Variants in CDC42BPB observed in about 807,000 individuals in gnomAD.
CDC42BPB encodes serine/threonine-protein kinase MRCK beta.
A neutral mutation model predicts 214.9 loss-of-function variants in CDC42BPB; 37 were observed. The ratio of observed to expected loss-of-function variants is 0.17; its 90% CI spans 0.13 to 0.23. The LOEUF (loss-of-function observed/expected upper bound fraction) is 0.23. CDC42BPB is among the 10% of genes least tolerant of loss of function. The probability of loss-of-function intolerance (pLI) is 1.00; values close to 1 mark genes in which losing one functional copy is unlikely to be tolerated. For synonymous variants in CDC42BPB, 931 were observed against 884.0 expected (o/e 1.05, Z -0.94); for missense variants, 1,694 against 2,227.0 (o/e 0.76, Z 4.82).
In CDC42BPB at chr14:102,966,953, C is replaced by T. The variant is rs1029130309; in HGVS notation, c.2471+93G>A. 7.0e-6 allele frequency: 10 copies of T among 1,421,314 alleles called. No individual in the cohort carries two copies. In the African/African-American group the frequency reaches 7.1e-5, roughly 10 times the overall value. 88.0% of individuals were successfully genotyped at this position (1,421,314 alleles called of 1,614,324 possible). A position where few individuals can be genotyped will look rare whatever the true frequency, so the allele number is the denominator to read the frequency against. On this transcript the variant is annotated intron_variant, in intron 17 of 36. Coordinates refer to ENST00000361246, the MANE Select transcript of CDC42BPB (RefSeq NM_006035.4). ...CCCCAGCCTGAGAGGCACGGCCTGG[C>T]GTGGAGCACAGGATCAGGCAGAAGA... is the stretch of plus-strand genomic sequence containing the variant.
chr14:102,972,273 A>C, intron 12 of CDC42BPB, 112 bp from the exon 13 acceptor site: 2 of 1,537,428 alleles, frequency 1.3e-6, no homozygotes, highest in Non-Finnish European at 1.7e-6. Context: ...AATGCTGGTT[A>C]CAGATTAGAG....
intron 4 of CDC42BPB, 66 bp downstream of exon 4, chr14:103,003,862 A>G: frequency 7.7e-7 from 1 of 1,292,760 alleles, no homozygotes; most frequent in South Asian, 1.3e-5. Flanking sequence ...CTGAATTTTT[A>G]GTGACAGCAT....
At chr14:103,010,335 A>T (rs1270105818) in intron 2 of CDC42BPB, among the ~76,000 whole-genome samples, 3 of 152,118 alleles carry the variant, frequency 2.0e-5, no homozygotes, top group Non-Finnish European at 4.4e-5. Flanking sequence ...TGGTAAATTG[A>T]CTTTGGCTGG....
intron 7 of CDC42BPB, among the ~76,000 whole-genome samples, chr14:102,982,453 G>C (rs1894046715): frequency 6.6e-6 from 1 of 152,156 alleles, no homozygotes; most frequent in Admixed American, 6.5e-5. Flanking sequence ...CGCTGGTAGA[G>C]AGGGTGAAAT....
At chr14:103,039,210 T>C (rs1887841721) in intron 1 of CDC42BPB, among the ~76,000 whole-genome samples, 1 of 147,134 alleles carries the variant, frequency 6.8e-6, no homozygotes, top group Non-Finnish European at 1.5e-5. Flanking sequence ...TAAGAGTTAT[T>C]ACCAATTCTT....
At chr14:102,938,537 C>A (rs1891743874) in intron 34 of CDC42BPB, 126 bp from the exon 35 acceptor site, 1 of 1,432,302 alleles carries the variant, frequency 7.0e-7, no homozygotes, top group African/African-American at 1.4e-5. Flanking sequence ...GCCAAGAGGG[C>A]TCTCTGGATT....
At chr14:102,984,931 G>A (rs918097638) in intron 6 of CDC42BPB, among the ~76,000 whole-genome samples, 2 of 152,268 alleles carry the variant, frequency 1.3e-5, no homozygotes, top group Admixed American at 6.5e-5. Flanking sequence ...TACAGACAGC[G>A]GGACCACTGG....
intron 9 of CDC42BPB, among the ~76,000 whole-genome samples, chr14:102,976,430 G>A (rs1893748283): frequency 6.6e-6 from 1 of 152,218 alleles, no homozygotes; most frequent in Non-Finnish European, 1.5e-5. Context: ...TTCCTGGTTT[G>A]GCCACCAACT....
intron 5 of CDC42BPB, among the ~76,000 whole-genome samples, chr14:102,995,161 G>C (rs1392519431): frequency 6.6e-6 from 1 of 151,338 alleles, no homozygotes; most frequent in African/African-American, 2.4e-5. Flanking sequence ...TTAGGGATGT[G>C]ATGTTCTCTC....
In CDC42BPB at chr14:103,027,947, T is replaced by C. The variant is rs36103509; in HGVS notation, c.176-15759A>G. Among the ~76,000 whole-genome samples, 250 of 151,822 alleles carry C rather than the reference T, an allele frequency of 1.6e-3. 2 individuals are homozygous for C. In the Middle Eastern group the frequency reaches 0.017, roughly 10 times the overall value. On this transcript the variant is annotated intron_variant, in intron 1 of 36. Coordinates refer to ENST00000361246, the MANE Select transcript of CDC42BPB (RefSeq NM_006035.4). The stretch of plus-strand genomic sequence containing the variant: ...GAGTTCCAGGCCAGCCTGGCCAACA[T>C]AGTGAAACCCCATCTCTACTAAAAA...
chr14:102,952,797 C>T (rs1892547802), intron 23 of CDC42BPB, 194 bp from the exon 24 acceptor site: 2 of 913,244 alleles, frequency 2.2e-6, no homozygotes, highest in Non-Finnish European at 1.3e-6. Flanking sequence ...CGAGCCTGAG[C>T]CAGAGAGAGG....
chr14:102,995,831 T>C (rs972258531), intron 5 of CDC42BPB, among the ~76,000 whole-genome samples: 2 of 152,218 alleles, frequency 1.3e-5, no homozygotes, highest in Non-Finnish European at 2.9e-5. Flanking sequence ...CTGGCGCCAA[T>C]GACATTTCTT....
intron 36 of CDC42BPB, among the ~76,000 whole-genome samples, chr14:102,937,372 C>T (rs552954427): frequency 8.5e-5 from 13 of 152,388 alleles, no homozygotes; most frequent in South Asian, 4.1e-4. Flanking sequence ...GAGGAAGAGA[C>T]GCTGACCTTG....
intron 1 of CDC42BPB, among the ~76,000 whole-genome samples, chr14:103,053,327 ACAGAGTGAGACTCCGTCT>A (rs1379884297): frequency 6.6e-6 from 1 of 152,044 alleles, no homozygotes; most frequent in Non-Finnish European, 1.5e-5. Context: ...AGCCTGGGCA[ACAGAGTGAGACTCCGTCT>A]CAAAAAAAAA....
chr14:102,976,400 A>G (rs916418690), intron 9 of CDC42BPB, among the ~76,000 whole-genome samples: 14 of 152,280 alleles, frequency 9.2e-5, no homozygotes, highest in African/African-American at 3.4e-4. Context: ...GGTCAGCGGT[A>G]CGCATGGACC....
rs1248560206 is a variant in CDC42BPB, at chr14:102,980,763, T to G, written c.1140+10A>C. 1 of 1,613,494 alleles carries G rather than the reference T, an allele frequency of 6.2e-7. No homozygotes were observed. Among genetic ancestry groups the G allele is most frequent in the Admixed American group, 1.7e-5 (1 of 60,010 alleles). On this transcript the variant is annotated intron_variant, in intron 8 of 36. Coordinates refer to ENST00000361246, the MANE Select transcript of CDC42BPB (RefSeq NM_006035.4). ...GCCAGCAACCCTGAGAACGGTGCTT[T>G]CACACTCACCGTGTTTCTCAGCACG...
chr14:103,049,574 G>A (rs1333221345), intron 1 of CDC42BPB, among the ~76,000 whole-genome samples: 1 of 152,258 alleles, frequency 6.6e-6, no homozygotes, highest in African/African-American at 2.4e-5. Context: ...GCGACTGGTA[G>A]AGGGACTGCT....
intron 21 of CDC42BPB, among the ~76,000 whole-genome samples, chr14:102,958,083 A>G (rs1266227576): frequency 1.3e-5 from 2 of 152,260 alleles, no homozygotes; most frequent in African/African-American, 4.8e-5. Context: ...AGGAAACAAA[A>G]GACTAAATGC....
intron 1 of CDC42BPB, among the ~76,000 whole-genome samples, chr14:103,049,551 G>A (rs867068179): frequency 3.9e-5 from 6 of 152,250 alleles, no homozygotes; most frequent in Non-Finnish European, 7.3e-5. Flanking sequence ...TGGGAAGTTG[G>A]AGCGCGGAGC....
Sources: allele counts gnomAD v4.1 joint callset (sites outside exome capture counted in the v4.1 genomes callset), GRCh38; gene constraint gnomAD v4.1.1; transcripts MANE v1.5; gene names NCBI Gene and HGNC (gene_info 2026-07-23, HGNC 2026-07-21).